COL22A1: variants seen among roughly 807,000 people sequenced by gnomAD.
The protein encoded by COL22A1 is collagen alpha-1(XXII) chain.
A neutral mutation model predicts 248.9 loss-of-function variants in COL22A1; 221 were observed. That is an observed-to-expected ratio of 0.89 (90% CI 0.80 to 0.99). The LOEUF (loss-of-function observed/expected upper bound fraction) is 0.99, where lower values mean the gene tolerates loss of function less well. COL22A1 is among the 50% of genes least tolerant of loss of function. COL22A1 has a pLI of 0.00. For synonymous variants in COL22A1, 891 were observed against 793.4 expected (o/e 1.12, Z -2.07); for missense variants, 2,240 against 2,179.0 (o/e 1.03, Z -0.56).
At chr8:138,844,823 G>A (rs767811101) in intron 3 of COL22A1, among the ~76,000 whole-genome samples, 4 of 151,924 alleles carry the variant, frequency 2.6e-5, no homozygotes, top group East Asian at 1.9e-4. Context: ...GGTGGCAGGC[G>A]CCTGTAGTCC....
At chr8:138,697,819 T>C (rs577692175) in intron 32 of COL22A1, among the ~76,000 whole-genome samples, 102 of 152,174 alleles carry the variant, frequency 6.7e-4, no homozygotes, top group Non-Finnish European at 1.1e-3. Context: ...TCCAAATCCA[T>C]CAATACAAAC....
chr8:138,608,130 C>T, intron 56 of COL22A1, 141 bp from the exon 57 acceptor site: 1 of 576,620 alleles, frequency 1.7e-6, no homozygotes, highest in Non-Finnish European at 3.0e-6. Context: ...TCTACCACTT[C>T]ATTACTCAGA....
At chr8:138,909,385 T>G (rs1269326793) in intron 1 of COL22A1, among the ~76,000 whole-genome samples, 3 of 151,992 alleles carry the variant, frequency 2.0e-5, no homozygotes, top group African/African-American at 7.2e-5. Flanking sequence ...CTTTTTTTTT[T>G]TTTCTTTTTT....
chr8:138,591,643 T>TG (rs2131772953), intron 63 of COL22A1, 142 bp from the exon 64 acceptor site: 1 of 510,808 alleles, frequency 2.0e-6, no homozygotes, highest in East Asian at 3.4e-5. Flanking sequence ...CACACACTCA[T>TG]GCCGCACAGG....
chr8:138,817,045 G>A (rs550626633), intron 7 of COL22A1, among the ~76,000 whole-genome samples: 1 of 152,338 alleles, frequency 6.6e-6, no homozygotes, highest in South Asian at 2.1e-4. Context: ...ACAGGTGTGA[G>A]TTTCCACTGT....
intron 41 of COL22A1, among the ~76,000 whole-genome samples, chr8:138,667,836 C>CT: frequency 6.6e-6 from 1 of 152,080 alleles, no homozygotes; most frequent in Non-Finnish European, 1.5e-5. Flanking sequence ...CATGTGCCTC[C>CT]TGCTGGATGA....
At chr8:138,830,006 A>G (rs912566825) in intron 5 of COL22A1, among the ~76,000 whole-genome samples, 1 of 152,274 alleles carries the variant, frequency 6.6e-6, no homozygotes, top group African/African-American at 2.4e-5. Context: ...GTACCTATAT[A>G]TACATACATA....
At chr8:138,634,465 C>T (rs1222456816) in intron 49 of COL22A1, among the ~76,000 whole-genome samples, 3 of 152,096 alleles carry the variant, frequency 2.0e-5, no homozygotes, top group Non-Finnish European at 4.4e-5. Flanking sequence ...CAGCAGTGGA[C>T]TCTGATCAGA....
chr8:138,853,310 C>T (rs1821776680), intron 3 of COL22A1, among the ~76,000 whole-genome samples: 1 of 152,202 alleles, frequency 6.6e-6, no homozygotes, highest in African/African-American at 2.4e-5. Flanking sequence ...ACAGGGACAG[C>T]AACTATGTCA....
chr8:138,840,658 G>A (rs377582453), intron 4 of COL22A1, among the ~76,000 whole-genome samples: 1 of 152,116 alleles, frequency 6.6e-6, no homozygotes, highest in African/African-American at 2.4e-5. Flanking sequence ...CGTGATCTCA[G>A]CTCACTGCAA....
At chr8:138,806,048 AGG>A (rs1817630993) in intron 10 of COL22A1, among the ~76,000 whole-genome samples, 1 of 2,822 alleles carries the variant, frequency 3.5e-4, no homozygotes, top group Admixed American at 5.1e-3. Flanking sequence ...GTGATGGTGT[AGG>A]TAATGGTGTG....
rs10092017 is a variant in COL22A1, at chr8:138,766,972, C to T, written c.1804-4506G>A. Among the ~76,000 whole-genome samples the T allele has an allele frequency of 5.9e-3, 903 of 152,278 alleles. 8 individuals are homozygous for T. Among genetic ancestry groups the T allele is most frequent in the African/African-American group, 0.02 (837 of 41,548 alleles). On this transcript the variant is annotated intron_variant, in intron 16 of 64. Coordinates refer to ENST00000303045, the MANE Select transcript of COL22A1 (RefSeq NM_152888.3). ...CGGCTCCTGCAGACTGAGAGTGAGA[C>T]CCCGGGCTCCGGGGTAGAGGGGACA...
At chr8:138,616,197 T>C in intron 54 of COL22A1, 143 bp from the exon 55 acceptor site, 1 of 717,498 alleles carries the variant, frequency 1.4e-6, no homozygotes, top group Non-Finnish European at 2.4e-6. Flanking sequence ...CAGCCCTGAG[T>C]TGAGGTCTGT....
At chr8:138,744,972 C>A (rs1197982205) in intron 22 of COL22A1, among the ~76,000 whole-genome samples, 3 of 152,106 alleles carry the variant, frequency 2.0e-5, no homozygotes, top group African/African-American at 7.2e-5. Context: ...CCAGAAGATA[C>A]TGAGAAAATG....
intron 23 of COL22A1, among the ~76,000 whole-genome samples, chr8:138,730,897 A>T (rs1030415404): frequency 6.6e-6 from 1 of 151,806 alleles, no homozygotes. Context: ...GGGGGAGGGG[A>T]GGAAGAGACA....
intron 43 of COL22A1, among the ~76,000 whole-genome samples, chr8:138,660,795 GACACACAGACACACATACACACATAC>G (rs1823763493): frequency 2.5e-5 from 2 of 81,090 alleles, no homozygotes; most frequent in Middle Eastern, 7.0e-3. Flanking sequence ...CACACACACA[GACACACAGACACACATACACACATAC>G]ACACACATAC....
chr8:138,626,650 G>C (rs1820265281), intron 50 of COL22A1, among the ~76,000 whole-genome samples: 1 of 152,186 alleles, frequency 6.6e-6, no homozygotes, highest in Non-Finnish European at 1.5e-5. Flanking sequence ...AGGACCTTGA[G>C]GTGTTGTGCA....
intron 1 of COL22A1, among the ~76,000 whole-genome samples, chr8:138,912,298 A>C (rs1051132726): frequency 6.6e-6 from 1 of 152,190 alleles, no homozygotes; most frequent in African/African-American, 2.4e-5. Flanking sequence ...CTCTAACAAA[A>C]ATGAAGCCCT....
chr8:138,887,229 G>GT (rs1308143444), intron 1 of COL22A1, among the ~76,000 whole-genome samples: 6,702 of 139,786 alleles, frequency 0.048, 201 homozygotes, highest in African/African-American at 0.079. Flanking sequence ...GTCTCTCATT[G>GT]TTTTTTTTTT....
Sources: allele counts gnomAD v4.1 joint callset (sites outside exome capture counted in the v4.1 genomes callset), GRCh38; gene constraint gnomAD v4.1.1; transcripts MANE v1.5; gene names NCBI Gene and HGNC (gene_info 2026-07-23, HGNC 2026-07-21).